The following MMP28 variants were observed in gnomAD, a reference collection of about 807,000 sequenced individuals.
The protein encoded by MMP28 is matrix metallopeptidase 28, also known as matrix metalloproteinase-28.
Under a neutral mutation model 60.5 loss-of-function variants are expected in MMP28, and 55 were observed. That is an observed-to-expected ratio of 0.91 (90% CI 0.73 to 1.14). The LOEUF is 1.14. Among genes scored for constraint, MMP28 ranks in the 50% most tolerant of loss-of-function variants. MMP28 has a pLI of 0.00. For synonymous variants in MMP28, 318 were observed against 312.5 expected (o/e 1.02, Z -0.18); for missense variants, 686 against 738.3 (o/e 0.93, Z 0.82).
intron 1 of MMP28, among the ~76,000 whole-genome samples, chr17:35,787,757 G>A (rs1172841966): frequency 6.6e-6 from 1 of 152,034 alleles, no homozygotes; most frequent in Non-Finnish European, 1.5e-5. Flanking sequence ...CCAAAGTGCT[G>A]GGATTACAGG....
downstream of MMP28, chr17:35,764,739 C>A: frequency 1.7e-6 from 2 of 1,164,978 alleles, no homozygotes; most frequent in Non-Finnish European, 2.3e-6. Flanking sequence ...CCCTTCTCAG[C>A]TGCTGCCCAG....
chr17:35,763,440 T>G (rs1555601907), downstream of MMP28, among the ~76,000 whole-genome samples: 1 of 111,300 alleles, frequency 9.0e-6, no homozygotes, highest in East Asian at 2.6e-4. Context: ...ATGCCCAGCT[T>G]TTTTTTTTTT....
chr17:35,763,717 T>C (rs2085871127), downstream of MMP28, among the ~76,000 whole-genome samples: 1 of 151,726 alleles, frequency 6.6e-6, no homozygotes, highest in South Asian at 2.1e-4. Flanking sequence ...GCCAACATGG[T>C]GAAACCCCGT....
chr17:35,794,671 C>G (rs1040588048), intron 1 of MMP28, among the ~76,000 whole-genome samples: 4 of 152,176 alleles, frequency 2.6e-5, no homozygotes, highest in Non-Finnish European at 4.4e-5. Context: ...AGGGAGCTCT[C>G]TAAGGTTCAC....
chr17:35,780,619 G>T (rs2086470034), intron 1 of MMP28, among the ~76,000 whole-genome samples: 1 of 152,036 alleles, frequency 6.6e-6, no homozygotes, highest in Non-Finnish European at 1.5e-5. Context: ...CACATCACCT[G>T]AGGTCAGGAG....
downstream of MMP28, among the ~76,000 whole-genome samples, chr17:35,762,587 G>A (rs765653606): frequency 1.3e-5 from 2 of 152,138 alleles, no homozygotes; most frequent in Non-Finnish European, 2.9e-5. Flanking sequence ...GGAAGAAGGA[G>A]GAAGCGTCTT....
At chr17:35,792,148 G>T (rs987843858) in intron 1 of MMP28, among the ~76,000 whole-genome samples, 1 of 152,024 alleles carries the variant, frequency 6.6e-6, no homozygotes, top group Non-Finnish European at 1.5e-5. Context: ...CCATTCCCAC[G>T]TTCTTCTCAC....
downstream of MMP28, among the ~76,000 whole-genome samples, chr17:35,761,582 G>A (rs1242717406): frequency 6.6e-6 from 1 of 151,940 alleles, no homozygotes; most frequent in African/African-American, 2.4e-5. Context: ...TCTGGCTCCA[G>A]AATAGTCTTA....
chr17:35,763,153 C>A (rs782533907), downstream of MMP28, among the ~76,000 whole-genome samples: 3 of 151,834 alleles, frequency 2.0e-5, no homozygotes, highest in Non-Finnish European at 4.4e-5. Flanking sequence ...GATCAGTAAG[C>A]CAGGGGAGGC....
chr17:35,756,721 GC>G (rs2085742860), intron 2 of MMP28, among the ~76,000 whole-genome samples: 1 of 151,716 alleles, frequency 6.6e-6, no homozygotes, highest in African/African-American at 2.4e-5. Flanking sequence ...GCCCACCTTG[GC>G]CTCCCAAAGT....
In MMP28 at chr17:35,773,412, C is replaced by T. The variant is rs779582885; in HGVS notation, c.380-8G>A. Reference sequence around the variant, plus strand: ...GCTTGTACCATTTGTTACCTGCCACCCAGAAAGCCCACGTCAGTCACACCT... The same window carrying T: ...GCTTGTACCATTTGTTACCTGCCACTCAGAAAGCCCACGTCAGTCACACCT... On this transcript the variant is annotated splice_polypyrimidine_tract_variant and splice_region_variant and intron_variant, in intron 3 of 7. Coordinates refer to ENST00000605424, the MANE Select transcript of MMP28 (RefSeq NM_024302.5). 27 of 1,576,152 alleles carry T rather than the reference C, an allele frequency of 1.7e-5. No homozygotes were observed. The highest frequency in any genetic ancestry group is 2.1e-5 in the Non-Finnish European group (24 of 1,160,312).
chr17:35,757,162 A>G (rs1276390621), intron 2 of MMP28: 3 of 151,946 alleles, frequency 2.0e-5, no homozygotes, highest in Non-Finnish European at 4.4e-5. Context: ...AAATAAATAA[A>G]TAAATAAATA....
At position 35,795,446 on chromosome 17, in the gene MMP28, C is replaced by T. The variant is rs745659901; in HGVS notation, c.-69G>A. 4.0e-4 allele frequency: 478 copies of T among 1,181,518 alleles called. No homozygotes were observed. The highest frequency in any genetic ancestry group is 3.2e-4 in the Non-Finnish European group (294 of 905,472). 73.2% of individuals were successfully genotyped at this position (1,181,518 alleles called of 1,614,324 possible). ...CAGGGAACCAGCCGGCAGTCAGCCG[C>T]GCCCGGGACCCCGGGGATGGGACTG... On this transcript the variant is annotated 5_prime_UTR_variant, in exon 1 of 8. Coordinates refer to ENST00000605424, the MANE Select transcript of MMP28 (RefSeq NM_024302.5).
At chr17:35,775,963 TC>T (rs2086314339) in intron 3 of MMP28, among the ~76,000 whole-genome samples, 1 of 151,942 alleles carries the variant, frequency 6.6e-6, no homozygotes, top group African/African-American at 2.4e-5. Context: ...AAGCTCTGCC[TC>T]CCCGGGTTCA....
chr17:35,761,040 C>A, downstream of MMP28: 1 of 1,434,128 alleles, frequency 7.0e-7, no homozygotes, highest in Non-Finnish European at 9.3e-7. Context: ...CCATGAAGTC[C>A]AACCTTTTCT....
chr17:35,774,237 C>T (rs917671772), intron 3 of MMP28, among the ~76,000 whole-genome samples: 2 of 152,202 alleles, frequency 1.3e-5, no homozygotes, highest in Admixed American at 6.5e-5. Flanking sequence ...AGCGTGCACC[C>T]GGCAGCAGCA....
chr17:35,767,714 C>T, intron 7 of MMP28, 38 bp downstream of exon 7: 1 of 1,549,884 alleles, frequency 6.5e-7, no homozygotes, highest in Non-Finnish European at 8.7e-7. Context: ...CCTTCCCTCT[C>T]TAGGGCTCAG....
At position 35,786,699 on chromosome 17, in the gene MMP28, C is replaced by CAAAAAAAAAAAAAAAAA. The variant is rs200165337; in HGVS notation, c.112-7377_112-7376insTTTTTTTTTTTTTTTTT. Among the ~76,000 whole-genome samples the CAAAAAAAAAAAAAAAAA allele has an allele frequency of 2.1e-3, 146 of 71,002 alleles. 10 individuals are homozygous for CAAAAAAAAAAAAAAAAA. Among genetic ancestry groups the CAAAAAAAAAAAAAAAAA allele is most frequent in the African/African-American group, 7.5e-3 (118 of 15,734 alleles). 46.6% of individuals were successfully genotyped at this position (71,002 alleles called of 152,430 possible). ...GCCTCATAGTGAGATCCTGTCTCTA[C>CAAAAAAAAAAAAAAAAA]AAAAAAAAAAAAAAAAGATGAATGA... On this transcript the variant is annotated intron_variant, in intron 1 of 7. Transcript: ENST00000605424.
In MMP28 at chr17:35,791,775, T is replaced by C. The variant is rs2086821041; in HGVS notation, c.111+3492A>G. On this transcript the variant is annotated intron_variant, in intron 1 of 7. Transcript: ENST00000605424. ...AACTGCTCAACTTCTCCAGTCTTTT[T>C]TCCTGTTCTCAATCACATAGCAGCT... 1.3e-5 allele frequency among the ~76,000 whole-genome samples: 2 copies of C among 152,200 alleles called. 1 individual carries two copies. The highest frequency in any genetic ancestry group is 4.1e-4 in the South Asian group (2 of 4,832).
Sources: allele counts gnomAD v4.1 joint callset (sites outside exome capture counted in the v4.1 genomes callset), GRCh38; gene constraint gnomAD v4.1.1; transcripts MANE v1.5; gene names NCBI Gene and HGNC (gene_info 2026-07-23, HGNC 2026-07-21).